The following STUM variants were observed in gnomAD, a reference collection of about 807,000 sequenced individuals.
STUM encodes protein stum homolog.
A neutral mutation model predicts 15.3 loss-of-function variants in STUM; 8 were observed. The ratio of observed to expected loss-of-function variants is 0.52; its 90% confidence interval spans 0.31 to 0.94. The LOEUF (loss-of-function observed/expected upper bound fraction) is 0.94. Among genes scored for constraint, STUM ranks in the 40% least tolerant of loss-of-function variants. The pLI, the probability that STUM is intolerant of heterozygous loss-of-function variation, is 0.05. For synonymous variants in STUM, 78 were observed against 88.7 expected, an observed-to-expected ratio of 0.88 and a Z score of 0.68; for missense variants, 142 against 204.9, an observed-to-expected ratio of 0.69 and a Z score of 1.87.
At chr1:226,569,551 A>G (rs1452037823) in intron 1 of STUM, among the ~76,000 whole-genome samples, 1 of 152,224 alleles carries the variant, frequency 6.6e-6, no homozygotes, top group Admixed American at 6.5e-5. Context: ...CAGACCTCAG[A>G]ATCCCTTGGG....
intron 1 of STUM, among the ~76,000 whole-genome samples, chr1:226,574,475 T>C (rs980440609): frequency 6.6e-6 from 1 of 152,226 alleles, no homozygotes; most frequent in African/African-American, 2.4e-5. Flanking sequence ...GAGTTGAATG[T>C]CGTTGGCCCG....
At chr1:226,563,837 G>A (rs1463872842) in intron 1 of STUM, among the ~76,000 whole-genome samples, 1 of 152,228 alleles carries the variant, frequency 6.6e-6, no homozygotes, top group Non-Finnish European at 1.5e-5. Flanking sequence ...GAACGTGCAA[G>A]TGGAATCCTT....
At position 226,552,083 on chromosome 1, in the gene STUM, T is replaced by C. The variant is rs1366784815; in HGVS notation, c.202+2977T>C. The stretch of plus-strand genomic sequence containing the variant: ...TGCTGAATGAAGGCTCGTTTTTTAT[T>C]TTTATTTTTTCCCTTTGATGTAGGT... On this transcript the variant is annotated intron_variant, in intron 1 of 3. Transcript: ENST00000366788. This position sits in a 1 kb window ranked among gnomAD's most constrained non-coding sequence, Gnocchi z 4.7. Among the ~76,000 whole-genome samples, 1 of 152,152 alleles carries C rather than the reference T, an allele frequency of 6.6e-6. No individual in the cohort carries two copies. Among genetic ancestry groups the C allele is most frequent in the Non-Finnish European group, 1.5e-5 (1 of 68,034 alleles).
chr1:226,578,576 T>A (rs1260754880), intron 1 of STUM, among the ~76,000 whole-genome samples: 2 of 152,258 alleles, frequency 1.3e-5, no homozygotes, highest in East Asian at 3.9e-4. Flanking sequence ...TTGCCCAGGC[T>A]GGTCTTGAAC....
intron 1 of STUM, among the ~76,000 whole-genome samples, chr1:226,556,257 C>T (rs1317078261): frequency 1.3e-5 from 2 of 152,188 alleles, no homozygotes; most frequent in Non-Finnish European, 1.5e-5. Flanking sequence ...CTTCTGAGTG[C>T]CTTCAGCAGC....
At chr1:226,555,721 C>T (rs923917394) in intron 1 of STUM, among the ~76,000 whole-genome samples, 7 of 152,216 alleles carry the variant, frequency 4.6e-5, no homozygotes, top group Admixed American at 2.6e-4. Flanking sequence ...TTTTTAAACA[C>T]GAGTGAGTCG....
At chr1:226,590,974 C>T (rs1485145775) in intron 1 of STUM, among the ~76,000 whole-genome samples, 1 of 152,176 alleles carries the variant, frequency 6.6e-6, no homozygotes, top group Non-Finnish European at 1.5e-5. Flanking sequence ...GGCAAGTTCC[C>T]ATCACCTGTC....
chr1:226,555,415 C>T (rs1262256848), intron 1 of STUM, among the ~76,000 whole-genome samples: 1 of 152,236 alleles, frequency 6.6e-6, no homozygotes, highest in African/African-American at 2.4e-5. Context: ...TGGTCTTCTT[C>T]CCCAGACCTG....
intron 1 of STUM, among the ~76,000 whole-genome samples, chr1:226,556,818 T>C (rs1448536027): frequency 6.6e-6 from 1 of 152,216 alleles, no homozygotes; most frequent in Non-Finnish European, 1.5e-5. Context: ...CAATTAATAT[T>C]AGCAAAATCC....
At chr1:226,584,629 G>A (rs774521940) in intron 1 of STUM, among the ~76,000 whole-genome samples, 1 of 152,174 alleles carries the variant, frequency 6.6e-6, no homozygotes, top group Non-Finnish European at 1.5e-5. Flanking sequence ...GCCCCACTCT[G>A]CCTGGTTAAC....
intron 1 of STUM, among the ~76,000 whole-genome samples, chr1:226,585,217 A>T (rs138915155): frequency 8.5e-4 from 130 of 152,332 alleles, no homozygotes; most frequent in African/African-American, 3.0e-3. Flanking sequence ...GCCACAAGTC[A>T]ACGTGAGAGC....
intron 1 of STUM, among the ~76,000 whole-genome samples, chr1:226,592,044 A>AT (rs200368117): frequency 1.2e-4 from 18 of 151,856 alleles, no homozygotes; most frequent in Admixed American, 2.6e-4. Context: ...ATTATTATTA[A>AT]TTTTTTTGTT....
At chr1:226,561,339 T>G (rs1667539274) in intron 1 of STUM, among the ~76,000 whole-genome samples, 1 of 152,216 alleles carries the variant, frequency 6.6e-6, no homozygotes, top group African/African-American at 2.4e-5. Flanking sequence ...GAGCAGGTCC[T>G]TGTTCTTTTA....
At position 226,592,847 on chromosome 1, in the gene STUM, C is replaced by T. The variant is rs143190261; in HGVS notation, c.203-3955C>T. 2.2e-3 allele frequency among the ~76,000 whole-genome samples: 337 copies of T among 152,320 alleles called. 1 individual carries two copies. The highest frequency in any genetic ancestry group is 7.5e-3 in the African/African-American group (313 of 41,578). On this transcript the variant is annotated intron_variant, in intron 1 of 3. Transcript: ENST00000366788. ...CCACATCTCCCCCATTCCTCAGCTG[C>T]GGCCTTCTCATCCCAGTTCATCTTT...
rs1352406558 is a variant in STUM at position 226,602,337 on chromosome 1, A to G, written c.*297A>G. 7 of 437,542 alleles carry G rather than the reference A, an allele frequency of 1.6e-5. No homozygotes were observed. The highest frequency in any genetic ancestry group is 5.9e-5 in the African/African-American group (3 of 50,520). The allele number at this position is 437,542 out of a possible 1,614,324, so 27.1% of individuals were successfully genotyped here. A position where few individuals can be genotyped will look rare whatever the true frequency, so the allele number is the denominator to read the frequency against. On this transcript the variant is annotated 3_prime_UTR_variant, in exon 4 of 4. Transcript: ENST00000366788. The stretch of plus-strand genomic sequence containing the variant: ...GGCTGGGATGCTCCGGCAGGCTCCA[A>G]CTGGCCTTGCTGTACCCACTGCCCA...
At chr1:226,570,618 C>T (rs906523148) in intron 1 of STUM, among the ~76,000 whole-genome samples, 2 of 152,202 alleles carry the variant, frequency 1.3e-5, no homozygotes, top group Non-Finnish European at 1.5e-5. Context: ...GGCTTTTCTT[C>T]AAGGAGCATC....
Position 226,564,799 on chromosome 1 carries a change from G to A in STUM, c.202+15693G>A, listed in dbSNP as rs575822372. On this transcript the variant is annotated intron_variant, in intron 1 of 3. Coordinates refer to ENST00000366788, the MANE Select transcript of STUM (RefSeq NM_001003665.4). The stretch of plus-strand genomic sequence containing the variant: ...TCTGCTGGCTGAGATCTGGAATCCT[G>A]GCTTCTCATTCCAGCTCATCCTGTT... Among the ~76,000 whole-genome samples the A allele has an allele frequency of 2.0e-5, 3 of 152,260 alleles. No individual in the cohort carries two copies. In the East Asian group the frequency reaches 5.8e-4, roughly 29 times the overall value.
In STUM at chr1:226,581,777, A is replaced by G. The variant is rs1417370521; in HGVS notation, c.203-15025A>G. ...CACATCAGGGAGGAGCCAGTGGTGAAGGACCGCCATCCTCTTAGTGGATTT... is the reference window on the plus strand; with the variant it reads ...CACATCAGGGAGGAGCCAGTGGTGAGGGACCGCCATCCTCTTAGTGGATTT... On this transcript the variant is annotated intron_variant, in intron 1 of 3. Transcript: ENST00000366788. Among the ~76,000 whole-genome samples the G allele has an allele frequency of 3.3e-5, 5 of 152,072 alleles. No homozygotes were observed. In the East Asian group the frequency reaches 9.7e-4, roughly 29 times the overall value.
Position 226,549,090 on chromosome 1 carries a change from T to C in STUM, c.186T>C (p.Thr62=), listed in dbSNP as rs1667325017. Residue 62 remains threonine (T), a synonymous_variant, in exon 1 of 4, where the codon ACT becomes ACC. Transcript: ENST00000366788. This position sits in a 1 kb window ranked among gnomAD's most constrained non-coding sequence, Gnocchi z 6.8. The part of the protein sequence containing the change: ...PVAVICLFLN[T]FVPGLGTFVS... The stretch of plus-strand genomic sequence containing the variant: ...CCGTCATCTGCCTCTTCCTCAACAC[T>C]TTCGTGCCGGGACTGGGTAAGACAC... The C allele has an allele frequency of 6.3e-7, 1 of 1,579,510 alleles. No individual in the cohort carries two copies.
Sources: gnomAD v4.1 joint callset for allele counts (sites outside exome capture counted in the v4.1 genomes callset) on GRCh38, gnomAD v4.1.1 for gene constraint, Gnocchi (gnomAD v3.1) non-coding constraint, MANE v1.5 for transcripts, NCBI Gene and HGNC (gene_info 2026-07-23, HGNC 2026-07-21) for gene names.